The following KIFC3 variants were observed in gnomAD, a reference collection of about 807,000 sequenced individuals.
KIFC3 encodes kinesin-like protein KIFC3.
KIFC3 carries 60 observed loss-of-function variants against 101.8 expected under a neutral mutation model. The observed-to-expected ratio is 0.59, with a 90% CI of 0.48 to 0.73. The LOEUF (loss-of-function observed/expected upper bound fraction) is 0.73, where lower values mean the gene tolerates loss of function less well. Ranked by LOEUF, KIFC3 falls within the 30% of genes least tolerant of loss-of-function variation. The pLI is 0.00. For missense variants in KIFC3, 966 were observed against 1,137.1 expected (o/e 0.85, Z 2.16); for synonymous variants, 476 against 482.7 (o/e 0.99, Z 0.18).
In KIFC3 at chr16:57,770,982, G is replaced by T. The variant is rs148881272; in HGVS notation, c.765+216C>A. 6.0e-4 allele frequency among the ~76,000 whole-genome samples: 91 copies of T among 152,350 alleles called. No homozygotes were observed. The East Asian group carries it at 0.016, about 27-fold the overall frequency. ...GAGGGCAGAATCCAGGGGCTGCGCT[G>T]CATCTGTGCCTGGCACCTCAGCTGT... is the stretch of plus-strand genomic sequence containing the variant. On this transcript the variant is annotated intron_variant, in intron 6 of 19. Transcript: ENST00000445690.
intron 1 of KIFC3, among the ~76,000 whole-genome samples, chr16:57,848,706 T>C (rs1235581759): frequency 6.6e-6 from 1 of 152,138 alleles, no homozygotes; most frequent in African/African-American, 2.4e-5. Context: ...TCTCTCTTGC[T>C]AAAAGGAAGC....
chr16:57,758,913 C>T lies in KIFC3; in HGVS notation c.*25-4G>A, dbSNP rs782433917. On this transcript the variant is annotated splice_polypyrimidine_tract_variant and splice_region_variant and intron_variant, in intron 19 of 19. Transcript: ENST00000445690. ...ACAGGCAGTGGCCGCGACTTCCCTG[C>T]AGGGGCATGAGATCATCAGCCTCTT... The T allele has an allele frequency of 1.3e-6, 2 of 1,573,730 alleles. No homozygotes were observed. Among genetic ancestry groups the T allele is most frequent in the Non-Finnish European group, 1.7e-6 (2 of 1,159,738 alleles).
intron 1 of KIFC3, among the ~76,000 whole-genome samples, chr16:57,852,831 G>C (rs559838051): frequency 6.6e-6 from 1 of 152,248 alleles, no homozygotes; most frequent in African/African-American, 2.4e-5. Context: ...TCCACTTAAA[G>C]GGATCGAATA....
chr16:57,758,993 C>T (rs2049465232), intron 19 of KIFC3, 84 bp from the exon 20 acceptor site: 1 of 1,536,186 alleles, frequency 6.5e-7, no homozygotes, highest in Non-Finnish European at 8.8e-7. Flanking sequence ...AGGAGGGAAC[C>T]CAGCAAAAGC....
chr16:57,837,577 G>GAAAGAAAGAAAGAAAGAAAGAAAGAAAT (rs1377537360), intron 1 of KIFC3, among the ~76,000 whole-genome samples: 1 of 151,716 alleles, frequency 6.6e-6, no homozygotes, highest in Non-Finnish European at 1.5e-5. Context: ...AAGAAAGAAA[G>GAAAGAAAGAAAGAAAGAAAGAAAGAAAT]AAAGAGTAGC....
At chr16:57,838,667 G>C (rs1384816644) in intron 1 of KIFC3, among the ~76,000 whole-genome samples, 7 of 152,186 alleles carry the variant, frequency 4.6e-5, no homozygotes, top group Non-Finnish European at 5.9e-5. Flanking sequence ...TGGTGTTGCA[G>C]CTTCCATTTT....
At chr16:57,815,759 T>C in intron 1 of KIFC3, 3 of 854,424 alleles carry the variant, frequency 3.5e-6, no homozygotes, top group Non-Finnish European at 5.0e-6. Flanking sequence ...CACGGCCAAG[T>C]TGCCTGGGTC....
chr16:57,786,292 C>T (rs782770687), intron 3 of KIFC3, among the ~76,000 whole-genome samples: 2 of 152,212 alleles, frequency 1.3e-5, no homozygotes, highest in East Asian at 1.9e-4. Flanking sequence ...GGGAAACACC[C>T]GGCTGGGCAG....
At position 57,761,104 on chromosome 16, in the gene KIFC3, G is replaced by A. The variant is rs1364147702; in HGVS notation, c.1940C>T (p.Ser647Leu). 3.7e-6 allele frequency: 6 copies of A among 1,613,816 alleles called. No individual in the cohort carries two copies. Among genetic ancestry groups the A allele is most frequent in the Admixed American group, 1.7e-5 (1 of 59,994 alleles). The part of the protein sequence containing the change: ...FTNLNEHSSR[S>L]HALLIVTVRG... ...CACCGTCACGATGAGCAGCGCGTGC[G>A]AGCGGGAGCTGTGCTCGTTCAGGTT... The change falls in exon 15 of 20, where the codon TCG becomes TTG. Residue 647 changes from serine to leucine, a missense_variant. Ser to Leu is a moderately radical substitution (Grantham distance 145). This residue lies in a region of KIFC3 where 689 missense variants were observed against 884.6 expected (regional missense o/e 0.78). Coordinates refer to ENST00000445690, the MANE Select transcript of KIFC3 (RefSeq NM_001130100.2).
At chr16:57,827,633 G>A (rs779496487) in intron 1 of KIFC3, among the ~76,000 whole-genome samples, 1 of 152,154 alleles carries the variant, frequency 6.6e-6, no homozygotes, top group East Asian at 1.9e-4. Context: ...GTTTTCTGAG[G>A]TCTAGAAGTC....
chr16:57,765,613 C>T lies in KIFC3; in HGVS notation c.1358G>A (p.Arg453Gln). 1 of 1,611,780 alleles carries T rather than the reference C, an allele frequency of 6.2e-7. No homozygotes were observed. Among genetic ancestry groups the T allele is most frequent in the Non-Finnish European group, 8.5e-7 (1 of 1,179,054 alleles). The change falls in exon 11 of 20, where the codon CGG becomes CAG. Residue 453 changes from arginine (R) to glutamine (Q), a missense_variant. Arg to Gln is a conservative substitution (Grantham distance 43, BLOSUM62 1). Transcript: ENST00000445690. ...TTCCCCATCCTCTTTGGTGACTGGC[C>T]GGACACGAGCAATCACTCGGATGTT... ...KGNIRVIARVRPVTKEDGEGP... is the reference protein window; with the variant it reads ...KGNIRVIARVQPVTKEDGEGP...
In KIFC3 at chr16:57,766,910, G is replaced by A. The variant is rs782312717; in HGVS notation, c.1294C>T (p.Arg432Cys). The A allele has an allele frequency of 3.1e-6, 5 of 1,611,944 alleles. No homozygotes were observed. Among genetic ancestry groups the A allele is most frequent in the Non-Finnish European group, 8.5e-7 (1 of 1,179,964 alleles). Reference protein sequence around the residue: ...LRKYRRELQLRKKCHNELVRL... With the variant: ...LRKYRRELQLCKKCHNELVRL... The stretch of plus-strand genomic sequence containing the variant: ...ACGAGCTCATTGTGGCACTTCTTAC[G>A]CAGCTGCAGCTCGCGGCGGTACTTG... The change falls in exon 10 of 20, where the codon CGT (arginine) becomes TGT (cysteine). Residue 432 changes from arginine to cysteine, a missense_variant. Coordinates refer to ENST00000445690, the MANE Select transcript of KIFC3 (RefSeq NM_001130100.2).
chr16:57,764,895 G>A (rs1414414159), intron 11 of KIFC3, among the ~76,000 whole-genome samples: 2 of 150,170 alleles, frequency 1.3e-5, no homozygotes, highest in Admixed American at 6.6e-5. Flanking sequence ...GGGAAGATGG[G>A]AGGGGCCTGA....
At chr16:57,778,266 C>A (rs1280877782) in intron 3 of KIFC3, among the ~76,000 whole-genome samples, 1 of 152,152 alleles carries the variant, frequency 6.6e-6, no homozygotes, top group Admixed American at 6.6e-5. Flanking sequence ...GGCAATACAG[C>A]AAGATCTTGT....
Position 57,761,543 on chromosome 16 carries a change from G to A in KIFC3, c.1749-7C>T, listed in dbSNP as rs2148847323. On this transcript the variant is annotated splice_region_variant and splice_polypyrimidine_tract_variant and intron_variant, in intron 13 of 19. Transcript: ENST00000445690. Reference sequence around the variant, plus strand: ...CTCTTTCCCTAGCAGGTCCCTGGAGGGGCAGGTGAGACAGTCACCCCCTCC... The same window carrying A: ...CTCTTTCCCTAGCAGGTCCCTGGAGAGGCAGGTGAGACAGTCACCCCCTCC... 1 of 1,611,718 alleles carries A rather than the reference G, an allele frequency of 6.2e-7. No homozygotes were observed. The highest frequency in any genetic ancestry group is 8.5e-7 in the Non-Finnish European group (1 of 1,179,546).
chr16:57,789,242 T>C (rs1476922989), intron 3 of KIFC3, among the ~76,000 whole-genome samples: 2 of 152,194 alleles, frequency 1.3e-5, no homozygotes, highest in African/African-American at 4.8e-5. Flanking sequence ...CCTGCCTCCT[T>C]CACTCTCTCC....
intron 10 of KIFC3, among the ~76,000 whole-genome samples, chr16:57,766,228 A>T (rs2050465861): frequency 6.6e-6 from 1 of 152,198 alleles, no homozygotes; most frequent in Admixed American, 6.5e-5. Context: ...CCCCACTGCC[A>T]GCATGGCCCA....
chr16:57,760,672 C>T, intron 16 of KIFC3, 54 bp downstream of exon 16: 1 of 1,490,276 alleles, frequency 6.7e-7, no homozygotes, highest in Non-Finnish European at 9.3e-7. Flanking sequence ...GGTCTCACTG[C>T]TAGCGTAGCC....
intron 1 of KIFC3, among the ~76,000 whole-genome samples, chr16:57,822,684 A>G (rs2149279412): frequency 6.6e-6 from 1 of 152,228 alleles, no homozygotes; most frequent in African/African-American, 2.4e-5. Flanking sequence ...GCGACAGAGC[A>G]AGACTCCATC....
Sources: gnomAD v4.1 joint callset for allele counts (sites outside exome capture counted in the v4.1 genomes callset) on GRCh38, gnomAD v4.1.1 for gene constraint, gnomAD v4.1.1 regional missense constraint, MANE v1.5 for transcripts, NCBI Gene and HGNC (gene_info 2026-07-23, HGNC 2026-07-21) for gene names.